Variants in CFAP20DC observed in about 807,000 individuals in gnomAD.
CFAP20DC encodes CFAP20 domain containing.
In CFAP20DC, 84 loss-of-function variants were observed where a neutral mutation model predicts 101.7. The ratio of observed to expected loss-of-function variants is 0.83; its 90% confidence interval spans 0.69 to 0.99. The LOEUF (loss-of-function observed/expected upper bound fraction) is 0.99. CFAP20DC is among the 50% of genes least tolerant of loss of function. The pLI is 0.00. For missense variants in CFAP20DC, 1,007 were observed against 970.3 expected, an observed-to-expected ratio of 1.04 and a Z score of -0.50; for synonymous variants, 359 against 351.2, an observed-to-expected ratio of 1.02 and a Z score of -0.25.
intron 4 of CFAP20DC, among the ~76,000 whole-genome samples, chr3:59,024,901 A>C (rs2093866329): frequency 6.6e-6 from 1 of 152,164 alleles, no homozygotes; most frequent in Non-Finnish European, 1.5e-5. Flanking sequence ...TCAAAGAAAC[A>C]TATCTACTTG....
chr3:58,850,270 T>C (rs942379546), intron 12 of CFAP20DC, among the ~76,000 whole-genome samples: 5 of 152,126 alleles, frequency 3.3e-5, no homozygotes, highest in African/African-American at 1.2e-4. Context: ...TCATGGTAGA[T>C]TCTTCGAATT....
chr3:58,796,997 G>C (rs1030786071), intron 15 of CFAP20DC, among the ~76,000 whole-genome samples: 4 of 152,060 alleles, frequency 2.6e-5, no homozygotes, highest in African/African-American at 9.7e-5. Flanking sequence ...AATTCCACTT[G>C]ATCAACCATT....
At chr3:58,793,516 G>C (rs1233456140) in intron 15 of CFAP20DC, among the ~76,000 whole-genome samples, 1 of 152,024 alleles carries the variant, frequency 6.6e-6, no homozygotes, top group Non-Finnish European at 1.5e-5. Flanking sequence ...GTTTCAATAG[G>C]AGTGTTGTTG....
In CFAP20DC at chr3:58,849,016, C is replaced by T. The variant is rs761446904; in HGVS notation, c.1971+16G>A. On this transcript the variant is annotated intron_variant, in intron 13 of 16. Transcript: ENST00000482387. ...ATGTATTGCCGGCATCTGTAAACCA[C>T]ACGGGAACCACTTACAGATGCTTCG... The T allele has an allele frequency of 6.5e-7, 1 of 1,532,344 alleles. No homozygotes were observed. The highest frequency in any genetic ancestry group is 8.7e-7 in the Non-Finnish European group (1 of 1,145,226). 94.9% of individuals were successfully genotyped at this position (1,532,344 alleles called of 1,614,324 possible). A position where few individuals can be genotyped will look rare whatever the true frequency, so the allele number is the denominator to read the frequency against.
In CFAP20DC at chr3:58,869,428, A is replaced by G. The variant is rs2079952824; in HGVS notation, c.915T>C (p.Cys305=). 1.2e-6 allele frequency: 2 copies of G among 1,613,768 alleles called. No individual in the cohort carries two copies. Among genetic ancestry groups the G allele is most frequent in the South Asian group, 1.1e-5 (1 of 91,066 alleles). Reference sequence around the variant, plus strand: ...AGGCTGACATTTCTGTACCATTAACACACTTCTCTACAGTGGACGGCTGGC... The same window carrying G: ...AGGCTGACATTTCTGTACCATTAACGCACTTCTCTACAGTGGACGGCTGGC... ...RSCQPSTVEK[C]VNGTEMSALL... Residue 305 remains cysteine, a synonymous_variant, in exon 9 of 17, where the codon TGT becomes TGC. Transcript: ENST00000482387. This position sits in a 1 kb window ranked among gnomAD's most constrained non-coding sequence, Gnocchi z 4.3.
chr3:58,943,116 G>C (rs920469828), intron 4 of CFAP20DC, among the ~76,000 whole-genome samples: 1 of 152,224 alleles, frequency 6.6e-6, no homozygotes, highest in African/African-American at 2.4e-5. Context: ...TTGGGACAGA[G>C]CACCTGGGGA....
chr3:58,995,704 G>A (rs1031501088), intron 4 of CFAP20DC, among the ~76,000 whole-genome samples: 5 of 152,120 alleles, frequency 3.3e-5, no homozygotes, highest in Non-Finnish European at 5.9e-5. Context: ...AATGTGGTTA[G>A]GTCTCATCCA....
chr3:58,727,051 T>C (rs1213435621), intron 3 of CFAP20DC: 2 of 245,842 alleles, frequency 8.1e-6, no homozygotes, highest in South Asian at 3.7e-5. Context: ...GAAGGACCCA[T>C]CACTTCCACT....
intron 4 of CFAP20DC, among the ~76,000 whole-genome samples, chr3:58,963,238 G>GTGTGTT (rs947210031): frequency 2.1e-5 from 3 of 145,458 alleles, no homozygotes; most frequent in Admixed American, 1.4e-4. Flanking sequence ...GTGTGTGTGT[G>GTGTGTT]TGTTTTAATA....
chr3:58,854,759 G>A lies in CFAP20DC; in HGVS notation c.1594-5350C>T, dbSNP rs1443094228. Among the ~76,000 whole-genome samples the A allele has an allele frequency of 6.9e-4, 104 of 150,918 alleles. No individual in the cohort carries two copies. The Middle Eastern group carries it at 0.01, about 15-fold the overall frequency. ...GAAAGGATTCTCTATTTAATAAATG[G>A]TGCTGGGAAAACTGGCTAGCCATAT... On this transcript the variant is annotated intron_variant, in intron 12 of 16. Transcript: ENST00000482387.
At chr3:58,862,161 T>A (rs560681429) in intron 12 of CFAP20DC, 8 of 964,004 alleles carry the variant, frequency 8.3e-6, no homozygotes, top group Non-Finnish European at 9.9e-6. Context: ...ATTTCCCACC[T>A]ACCATGAAAT....
chr3:58,889,492 T>G (rs905072102), intron 6 of CFAP20DC, among the ~76,000 whole-genome samples: 1 of 152,176 alleles, frequency 6.6e-6, no homozygotes, highest in African/African-American at 2.4e-5. Context: ...TACCTCTATT[T>G]ACCAAACCAT....
intron 15 of CFAP20DC, among the ~76,000 whole-genome samples, chr3:58,789,026 T>G (rs1488027495): frequency 1.3e-5 from 2 of 152,114 alleles, no homozygotes; most frequent in African/African-American, 4.8e-5. Context: ...TAACATAAAA[T>G]GTATCAATTC....
intron 15 of CFAP20DC, among the ~76,000 whole-genome samples, chr3:58,757,671 A>G (rs777865023): frequency 1.3e-5 from 2 of 152,036 alleles, no homozygotes; most frequent in Non-Finnish European, 2.9e-5. Flanking sequence ...ATTTTTCACA[A>G]TTAGATTTCT....
At chr3:58,843,790 G>A (rs1308750162) in intron 13 of CFAP20DC, among the ~76,000 whole-genome samples, 1 of 149,708 alleles carries the variant, frequency 6.7e-6, no homozygotes, top group Non-Finnish European at 1.5e-5. Flanking sequence ...TCAAAGGGAA[G>A]CCCATCAGAC....
rs1260746397 is a variant in CFAP20DC at position 58,964,937 on chromosome 3, G to T, written c.279-27175C>A. Among the ~76,000 whole-genome samples the T allele has an allele frequency of 1.3e-5, 2 of 152,134 alleles. No individual in the cohort carries two copies. Among genetic ancestry groups the T allele is most frequent in the Admixed American group, 6.6e-5 (1 of 15,262 alleles). On this transcript the variant is annotated intron_variant, in intron 4 of 16. Transcript: ENST00000482387. The surrounding 1 kb of genome is among the most constrained non-coding windows in gnomAD (Gnocchi z 4.1). ...CACTACTGAAATATTTTCTAAAAAG[G>T]TTCTGCCCAACCTACTACTCACATA...
At chr3:59,021,963 T>A (rs2093811151) in intron 4 of CFAP20DC, among the ~76,000 whole-genome samples, 1 of 152,026 alleles carries the variant, frequency 6.6e-6, no homozygotes, top group Admixed American at 6.6e-5. Context: ...ACCTTAACAA[T>A]CAAATGATCA....
At chr3:58,774,188 A>G (rs2107520267) in intron 15 of CFAP20DC, among the ~76,000 whole-genome samples, 1 of 152,298 alleles carries the variant, frequency 6.6e-6, no homozygotes, top group East Asian at 1.9e-4. Context: ...ACTTGAAAAA[A>G]AATGCTATCA....
At chr3:58,760,668 G>A (rs1251023407) in intron 15 of CFAP20DC, among the ~76,000 whole-genome samples, 1 of 152,078 alleles carries the variant, frequency 6.6e-6, no homozygotes, top group Admixed American at 6.6e-5. Context: ...ATTGGCTGTG[G>A]GATTGTCATA....
Sources: allele counts gnomAD v4.1 joint callset (sites outside exome capture counted in the v4.1 genomes callset), GRCh38; gene constraint gnomAD v4.1.1; non-coding constraint Gnocchi (gnomAD v3.1); transcripts MANE v1.5; gene names NCBI Gene and HGNC (gene_info 2026-07-23, HGNC 2026-07-21).